UPF2: variants seen among roughly 807,000 people sequenced by gnomAD.
UPF2 encodes UPF2 regulator of nonsense mediated mRNA decay, also known as regulator of nonsense transcripts 2.
UPF2 carries 17 observed loss-of-function variants against 141.4 expected under a neutral mutation model. That is an observed-to-expected ratio of 0.12 (90% confidence interval 0.08 to 0.18). The LOEUF (loss-of-function observed/expected upper bound fraction) is 0.18, where lower values mean the gene tolerates loss of function less well. Among genes scored for constraint, UPF2 ranks in the 10% least tolerant of loss-of-function variants. The probability of loss-of-function intolerance (pLI) is 1.00; values close to 1 mark genes in which losing one functional copy is unlikely to be tolerated. For synonymous variants in UPF2, 540 were observed against 498.0 expected (o/e 1.08, Z -1.12); for missense variants, 1,152 against 1,515.9 (o/e 0.76, Z 3.99).
At chr10:11,938,863 T>TTTTTTG (rs1832894266) in intron 18 of UPF2, among the ~76,000 whole-genome samples, 1 of 81,082 alleles carries the variant, frequency 1.2e-5, no homozygotes, top group Non-Finnish European at 2.4e-5. Flanking sequence ...GTTTTTTTTT[T>TTTTTTG]TTTTTTTTTT....
Position 11,931,868 on chromosome 10 carries a change from A to T in UPF2, c.3547-86T>A. 1 of 1,473,956 alleles carries T rather than the reference A, an allele frequency of 6.8e-7. No homozygotes were observed. The allele number at this position is 1,473,956 out of a possible 1,614,324, so 91.3% of individuals were successfully genotyped here. A position where few individuals can be genotyped will look rare whatever the true frequency, so the allele number is the denominator to read the frequency against. ...AGACTTCAAATAAAATAGCAAGTAC[A>T]GGCTGGGCACGGTGGCTCACGCCTG... On this transcript the variant is annotated intron_variant, in intron 19 of 21. Transcript: ENST00000357604. The surrounding 1 kb of genome is among the most constrained non-coding windows in gnomAD (Gnocchi z 5.9).
chr10:12,022,632 A>T (rs1020362549), intron 3 of UPF2, among the ~76,000 whole-genome samples: 1 of 152,098 alleles, frequency 6.6e-6, no homozygotes, highest in African/African-American at 2.4e-5. Context: ...TATAACACTA[A>T]ATCTAAAGTA....
At chr10:11,978,429 G>A (rs554087668) in intron 9 of UPF2, among the ~76,000 whole-genome samples, 3 of 152,118 alleles carry the variant, frequency 2.0e-5, no homozygotes, top group South Asian at 2.1e-4. Context: ...AAGCACCTCC[G>A]TGAAATAACT....
chr10:12,001,932 A>C (rs1011139577), intron 5 of UPF2, 107 bp from the exon 6 acceptor site: 2 of 1,014,624 alleles, frequency 2.0e-6, no homozygotes, highest in African/African-American at 3.3e-5. Context: ...TAGAAGCTGC[A>C]TGTATACCTG....
At chr10:11,990,687 A>G (rs1051888278) in intron 8 of UPF2, among the ~76,000 whole-genome samples, 1 of 150,084 alleles carries the variant, frequency 6.7e-6, no homozygotes, top group African/African-American at 2.4e-5. Context: ...TCAAAAAAAA[A>G]AAAAAAAAGG....
At position 12,042,553 on chromosome 10, in the gene UPF2, G is replaced by C. The variant is rs1002289197; in HGVS notation, c.-19+202C>G. On this transcript the variant is annotated intron_variant, in intron 1 of 21. Coordinates refer to ENST00000357604, the MANE Select transcript of UPF2 (RefSeq NM_015542.4). The surrounding 1 kb of genome is among the most constrained non-coding windows in gnomAD (Gnocchi z 5.5). ...CATGGCCCGGCCCGGGGGCTCCCGC[G>C]TTGATGGGAGCCTCGGAGACAGGGG... is the stretch of plus-strand genomic sequence containing the variant. Among the ~76,000 whole-genome samples the C allele has an allele frequency of 6.6e-6, 1 of 152,140 alleles. No homozygotes were observed. The highest frequency in any genetic ancestry group is 2.1e-4 in the South Asian group (1 of 4,822).
intron 15 of UPF2, among the ~76,000 whole-genome samples, chr10:11,951,495 T>C (rs1315706410): frequency 6.6e-6 from 1 of 152,232 alleles, no homozygotes; most frequent in Non-Finnish European, 1.5e-5. Flanking sequence ...TAGTGGAAGC[T>C]GTTCAAGAGT....
Position 12,005,097 on chromosome 10 carries a change from C to T in UPF2, c.1307-370G>A, listed in dbSNP as rs565338074. On this transcript the variant is annotated intron_variant, in intron 4 of 21. Coordinates refer to ENST00000357604, the MANE Select transcript of UPF2 (RefSeq NM_015542.4). The stretch of plus-strand genomic sequence containing the variant: ...AAGACATCCGTTTAAAGTCCCACCT[C>T]CCCCATGAGTATTTTTTTTTTTTTT... 2.4e-4 allele frequency among the ~76,000 whole-genome samples: 27 copies of T among 112,990 alleles called. No individual in the cohort carries two copies. The South Asian group carries it at 7.3e-3, about 31-fold the overall frequency. The allele number at this position is 112,990 out of a possible 152,430, so 74.1% of individuals were successfully genotyped here.
At chr10:11,951,400 C>T (rs1180804654) in intron 15 of UPF2, among the ~76,000 whole-genome samples, 2 of 152,102 alleles carry the variant, frequency 1.3e-5, no homozygotes, top group Non-Finnish European at 2.9e-5. Flanking sequence ...ATAAAACATG[C>T]TAAGAACTAT....
chr10:12,001,340 G>A (rs1266367884), intron 6 of UPF2, among the ~76,000 whole-genome samples: 2 of 152,110 alleles, frequency 1.3e-5, no homozygotes, highest in African/African-American at 4.8e-5. Context: ...CTTGAACCCA[G>A]GAGGCAGAAG....
Position 12,019,773 on chromosome 10 carries a change from G to C in UPF2, c.1146-5589C>G, listed in dbSNP as rs111353212. On this transcript the variant is annotated intron_variant, in intron 3 of 21. Coordinates refer to ENST00000357604, the MANE Select transcript of UPF2 (RefSeq NM_015542.4). The surrounding 1 kb of genome is among the most constrained non-coding windows in gnomAD (Gnocchi z 4.5). ...GATTCTCGCTCTGCTGCCCAGGCTGGAGTGTAGTGGTGCAATCTGAGCTCA... is the reference window on the plus strand; with the variant it reads ...GATTCTCGCTCTGCTGCCCAGGCTGCAGTGTAGTGGTGCAATCTGAGCTCA... Among the ~76,000 whole-genome samples the C allele has an allele frequency of 9.9e-5, 15 of 152,264 alleles. No homozygotes were observed. The highest frequency in any genetic ancestry group is 3.4e-4 in the African/African-American group (14 of 41,568).
At chr10:11,928,255 T>G (rs11593464) in intron 21 of UPF2, among the ~76,000 whole-genome samples, 2,175 of 152,136 alleles carry the variant, frequency 0.014, 26 homozygotes, top group Middle Eastern at 0.027. Flanking sequence ...GAGCATCACT[T>G]GAACCCGGGA....
Position 11,931,842 on chromosome 10 carries a change from C to CA in UPF2, c.3547-61dup. The CA allele has an allele frequency of 6.5e-7, 1 of 1,542,126 alleles. No individual in the cohort carries two copies. The highest frequency in any genetic ancestry group is 8.7e-7 in the Non-Finnish European group (1 of 1,146,962). On this transcript the variant is annotated intron_variant, in intron 19 of 21. Coordinates refer to ENST00000357604, the MANE Select transcript of UPF2 (RefSeq NM_015542.4). The surrounding 1 kb of genome is among the most constrained non-coding windows in gnomAD (Gnocchi z 5.9). ...TGAGAACACTGAGAGAAAGAAAAAA[C>CA]AGACTTCAAATAAAATAGCAAGTAC...
rs187559732 is a variant in UPF2, at chr10:11,920,509, G to A, written c.*789C>T. 198 of 153,318 alleles carry A rather than the reference G, an allele frequency of 1.3e-3. 5 individuals carry two copies. Among genetic ancestry groups the A allele is most frequent in the Admixed American group, 0.013 (197 of 15,510 alleles). 9.5% of individuals were successfully genotyped at this position (153,318 alleles called of 1,614,324 possible). Reference sequence around the variant, plus strand: ...TGTGACATGTTGACGGGCATGTTTTGTTTTCAATGATACTTACAATGGGCT... The same window carrying A: ...TGTGACATGTTGACGGGCATGTTTTATTTTCAATGATACTTACAATGGGCT... On this transcript the variant is annotated 3_prime_UTR_variant, in exon 22 of 22. Coordinates refer to ENST00000357604, the MANE Select transcript of UPF2 (RefSeq NM_015542.4).
chr10:11,928,858 TA>T (rs1832746943), intron 21 of UPF2: 1 of 174,156 alleles, frequency 5.7e-6, no homozygotes, highest in African/African-American at 2.5e-5. Flanking sequence ...TTTTATAATT[TA>T]AAAAAACAGG....
At chr10:11,995,467 C>T (rs1418050327) in intron 8 of UPF2, among the ~76,000 whole-genome samples, 1 of 152,100 alleles carries the variant, frequency 6.6e-6, no homozygotes, top group Non-Finnish European at 1.5e-5. Context: ...AGTTTACAGT[C>T]TAGAGGACAA....
In UPF2 at chr10:12,014,210, A is replaced by C. The variant is rs773602000; in HGVS notation, c.1146-26T>G. 6 of 1,369,864 alleles carry C rather than the reference A, an allele frequency of 4.4e-6. No homozygotes were observed. The highest frequency in any genetic ancestry group is 5.7e-6 in the Non-Finnish European group (6 of 1,048,634). The allele number at this position is 1,369,864 out of a possible 1,614,324, so 84.9% of individuals were successfully genotyped here. ...CTATAAACAAATGAAATCATCTGAC[A>C]GTCTTATCAAAATAGATGTGATCAC... is the stretch of plus-strand genomic sequence containing the variant. On this transcript the variant is annotated intron_variant, in intron 3 of 21. Coordinates refer to ENST00000357604, the MANE Select transcript of UPF2 (RefSeq NM_015542.4). The surrounding 1 kb of genome is among the most constrained non-coding windows in gnomAD (Gnocchi z 5.0).
intron 9 of UPF2, among the ~76,000 whole-genome samples, chr10:11,978,018 ACT>A (rs751511723): frequency 3.9e-4 from 59 of 152,108 alleles, no homozygotes; most frequent in Admixed American, 3.0e-3. Flanking sequence ...TCTGCAAGAG[ACT>A]CTCTCCTTCC....
Position 12,014,279 on chromosome 10 carries a change from T to C in UPF2, c.1146-95A>G. 2 of 1,183,106 alleles carry C rather than the reference T, an allele frequency of 1.7e-6. No homozygotes were observed. The highest frequency in any genetic ancestry group is 2.2e-6 in the Non-Finnish European group (2 of 922,188). 73.3% of individuals were successfully genotyped at this position (1,183,106 alleles called of 1,614,324 possible). ...AACATTCCATAATTTGATTTTCTCATACAAATTTAGTAAAATCTTCATTTT... is the reference window on the plus strand; with the variant it reads ...AACATTCCATAATTTGATTTTCTCACACAAATTTAGTAAAATCTTCATTTT... On this transcript the variant is annotated intron_variant, in intron 3 of 21. Transcript: ENST00000357604. This position sits in a 1 kb window ranked among gnomAD's most constrained non-coding sequence, Gnocchi z 5.0.
Sources: allele counts gnomAD v4.1 joint callset (sites outside exome capture counted in the v4.1 genomes callset), GRCh38; gene constraint gnomAD v4.1.1; non-coding constraint Gnocchi (gnomAD v3.1); transcripts MANE v1.5; gene names NCBI Gene and HGNC (gene_info 2026-07-23, HGNC 2026-07-21).